Variants in DUSP29 observed in about 807,000 individuals in gnomAD.
The protein encoded by DUSP29 is dual specificity phosphatase 29, also known as atypical dual-specific protein phosphatase.
Under a neutral mutation model 13.5 loss-of-function variants are expected in DUSP29, and 12 were observed. The ratio of observed to expected loss-of-function variants is 0.89; its 90% CI spans 0.57 to 1.44. DUSP29 has a LOEUF of 1.44. DUSP29 is among the 40% of genes most tolerant of loss of function. DUSP29 has a pLI of 0.00. For synonymous variants in DUSP29, 134 were observed against 128.7 expected (o/e 1.04, Z -0.28); for missense variants, 308 against 301.1 (o/e 1.02, Z -0.17).
intron 1 of DUSP29, among the ~76,000 whole-genome samples, chr10:75,071,677 G>C (rs936433221): frequency 6.6e-6 from 1 of 152,188 alleles, no homozygotes; most frequent in Non-Finnish European, 1.5e-5. Flanking sequence ...CCTGATACCG[G>C]AGGAGGGCCA....
At chr10:75,060,505 G>A (rs147431514) in intron 1 of DUSP29, among the ~76,000 whole-genome samples, 183 of 151,670 alleles carry the variant, frequency 1.2e-3, no homozygotes, top group African/African-American at 3.8e-3. Flanking sequence ...TATTATGCAC[G>A]GTTGGAAGAT....
At chr10:75,068,893 C>T (rs146192389) in intron 1 of DUSP29, among the ~76,000 whole-genome samples, 15 of 151,888 alleles carry the variant, frequency 9.9e-5, no homozygotes, top group East Asian at 1.9e-4. Flanking sequence ...AAAACTTGGA[C>T]GTAAAAACTC....
chr10:75,067,363 G>C (rs1476280749), intron 1 of DUSP29, among the ~76,000 whole-genome samples: 5 of 152,182 alleles, frequency 3.3e-5, no homozygotes, highest in African/African-American at 1.2e-4. Flanking sequence ...CTCGGAGTAG[G>C]GGGGATCTTC....
In DUSP29 at chr10:75,043,920, A is replaced by AGTCG; in HGVS notation, c.294_297dup (p.Tyr100ArgfsTer44). ...TACTGGATGTCCATGTCGCGGTAGTAGTCGGGCCCAGTGTCCACGTTCCAG... is the reference window on the plus strand; with the variant it reads ...TACTGGATGTCCATGTCGCGGTAGTAGTCGGTCGGGCCCAGTGTCCACGTTCCAG... On this transcript the variant is annotated frameshift_variant, in exon 3 of 4. Transcript: ENST00000338487. LOFTEE classifies it high-confidence loss of function. 6.2e-7 allele frequency: 1 copy of AGTCG among 1,613,904 alleles called. No individual in the cohort carries two copies. The highest frequency in any genetic ancestry group is 8.5e-7 in the Non-Finnish European group (1 of 1,179,940).
intron 2 of DUSP29, among the ~76,000 whole-genome samples, chr10:75,057,610 TAC>T (rs1316114406): frequency 6.6e-6 from 1 of 152,190 alleles, no homozygotes; most frequent in East Asian, 1.9e-4. Context: ...ATGCCTGGCA[TAC>T]AGTGTTCAAG....
chr10:75,059,452 ATTTG>A (rs1847040209), intron 1 of DUSP29, among the ~76,000 whole-genome samples: 1 of 152,190 alleles, frequency 6.6e-6, no homozygotes, highest in African/African-American at 2.4e-5. Flanking sequence ...GGTGAATGCT[ATTTG>A]TTTATTTATT....
At position 75,043,822 on chromosome 10, in the gene DUSP29, G is replaced by A. The variant is rs1457660681; in HGVS notation, c.396C>T (p.Ile132=). Residue 132 remains isoleucine (I), a synonymous_variant, in exon 3 of 4, where the codon ATC becomes ATT. Coordinates refer to ENST00000338487, the MANE Select transcript of DUSP29 (RefSeq NM_001003892.3). The stretch of plus-strand genomic sequence containing the variant: ...TGTGGTCGTCGCTTAGCGCTCTGTC[G>A]ATGAAGGCTGCCGCCGGGTAGAAGA... ...SVFFYPAAAF[I]DRALSDDHSK... 8 of 1,613,526 alleles carry A rather than the reference G, an allele frequency of 5.0e-6. No homozygotes were observed. The highest frequency in any genetic ancestry group is 5.1e-6 in the Non-Finnish European group (6 of 1,179,916).
chr10:75,056,412 T>C (rs1001110117), intron 2 of DUSP29, among the ~76,000 whole-genome samples: 27 of 152,004 alleles, frequency 1.8e-4, no homozygotes, highest in Admixed American at 1.8e-3. Context: ...TCTGTTACTC[T>C]TGCTACTCAG....
intron 1 of DUSP29, among the ~76,000 whole-genome samples, chr10:75,061,947 TC>T (rs764923835): frequency 6.6e-6 from 1 of 152,206 alleles, no homozygotes; most frequent in Non-Finnish European, 1.5e-5. Flanking sequence ...GGACTGAGCC[TC>T]CAGGCTGATT....
intron 2 of DUSP29, among the ~76,000 whole-genome samples, chr10:75,046,926 T>A (rs1554848923): frequency 6.6e-6 from 1 of 152,222 alleles, no homozygotes; most frequent in African/African-American, 2.4e-5. Context: ...CTACCCACCA[T>A]GAAGACTGTT....
intron 1 of DUSP29, among the ~76,000 whole-genome samples, chr10:75,071,855 G>T (rs1403099092): frequency 6.6e-6 from 1 of 152,190 alleles, no homozygotes; most frequent in African/African-American, 2.4e-5. Flanking sequence ...CACACAACCG[G>T]CTGGACGTAC....
At chr10:75,060,930 A>G (rs578141192) in intron 1 of DUSP29, among the ~76,000 whole-genome samples, 1 of 152,376 alleles carries the variant, frequency 6.6e-6, no homozygotes, top group Non-Finnish European at 1.5e-5. Context: ...ATATAGTTGG[A>G]AAATATAAAT....
At chr10:75,043,703 TGG>T in intron 3 of DUSP29, 92 bp downstream of exon 3, 2 of 1,043,158 alleles carry the variant, frequency 1.9e-6, no homozygotes, top group Non-Finnish European at 2.6e-6. Flanking sequence ...GGAGCCTTAG[TGG>T]GGCGGGGAAG....
intron 1 of DUSP29, among the ~76,000 whole-genome samples, chr10:75,072,507 T>C (rs1847352626): frequency 6.6e-6 from 1 of 152,050 alleles, no homozygotes; most frequent in African/African-American, 2.4e-5. Flanking sequence ...CAACGCGCCT[T>C]CCTTGTTAAG....
intron 2 of DUSP29, among the ~76,000 whole-genome samples, chr10:75,053,293 T>A (rs2134292166): frequency 6.6e-6 from 1 of 152,316 alleles, no homozygotes. Context: ...TCTGTAGCTA[T>A]TCCCATCCTG....
chr10:75,069,363 T>C (rs1847271092), intron 1 of DUSP29, among the ~76,000 whole-genome samples: 1 of 152,114 alleles, frequency 6.6e-6, no homozygotes, highest in African/African-American at 2.4e-5. Flanking sequence ...CCCGTTGTGG[T>C]TCCTGAATCC....
chr10:75,044,397 C>T (rs1477466126), intron 2 of DUSP29, among the ~76,000 whole-genome samples: 1 of 152,160 alleles, frequency 6.6e-6, no homozygotes, highest in Non-Finnish European at 1.5e-5. Context: ...GCTGCCTTCT[C>T]CCAACCTCTG....
chr10:75,071,111 C>CT (rs927320771), intron 1 of DUSP29, among the ~76,000 whole-genome samples: 1 of 152,240 alleles, frequency 6.6e-6, no homozygotes, highest in Non-Finnish European at 1.5e-5. Flanking sequence ...CACCCCGAAA[C>CT]TCTGAGGCAC....
Position 75,043,969 on chromosome 10 carries a change from G to C in DUSP29, c.249C>G (p.His83Gln), listed in dbSNP as rs749044440. Reference sequence around the variant, plus strand: ...AGCGGCCGTGGGCCGCGTTCAGCACGTGCGTGAACCCCGCCTTCTGCAGCC... The same window carrying C: ...AGCGGCCGTGGGCCGCGTTCAGCACCTGCGTGAACCCCGCCTTCTGCAGCC... The part of the protein sequence containing the change: ...RYRLQKAGFT[H>Q]VLNAAHGRWN... Residue 83 changes from histidine (H) to glutamine (Q), a missense_variant, in exon 3 of 4, where the codon CAC becomes CAG. Coordinates refer to ENST00000338487, the MANE Select transcript of DUSP29 (RefSeq NM_001003892.3). 2 of 1,613,140 alleles carry C rather than the reference G, an allele frequency of 1.2e-6. No individual in the cohort carries two copies. Among genetic ancestry groups the C allele is most frequent in the Admixed American group, 3.3e-5 (2 of 60,026 alleles).
Sources: allele counts gnomAD v4.1 joint callset (sites outside exome capture counted in the v4.1 genomes callset), GRCh38; gene constraint gnomAD v4.1.1; transcripts MANE v1.5; gene names NCBI Gene and HGNC (gene_info 2026-07-23, HGNC 2026-07-21).